STK32A: variants seen among roughly 807,000 people sequenced by gnomAD.
STK32A encodes serine/threonine-protein kinase 32A.
A neutral mutation model predicts 53.2 loss-of-function variants in STK32A; 41 were observed. The observed-to-expected ratio is 0.77, with a 90% CI of 0.60 to 1.00. The LOEUF is 1.00. STK32A is among the 50% of genes least tolerant of loss of function. STK32A has a pLI of 0.00. For missense variants in STK32A, 458 were observed against 485.8 expected, an observed-to-expected ratio of 0.94 and a Z score of 0.54; for synonymous variants, 166 against 162.8, an observed-to-expected ratio of 1.02 and a Z score of -0.15.
intron 1 of STK32A, among the ~76,000 whole-genome samples, chr5:147,237,434 C>A (rs1389630159): frequency 1.3e-5 from 2 of 152,156 alleles, no homozygotes; most frequent in Non-Finnish European, 2.9e-5. Context: ...CAAAGACCAC[C>A]CCATTTGCTT....
At position 147,384,529 on chromosome 5, in the gene STK32A, T is replaced by C. The variant is rs2152009621; in HGVS notation, c.*546T>C. ...TCAGATTAAAAGTAACAGAGATGGATGAGGGCCTTCCAGTGATATGCGTGA... is the reference window on the plus strand; with the variant it reads ...TCAGATTAAAAGTAACAGAGATGGACGAGGGCCTTCCAGTGATATGCGTGA... On this transcript the variant is annotated 3_prime_UTR_variant, in exon 13 of 13. Coordinates refer to ENST00000397936, the MANE Select transcript of STK32A (RefSeq NM_001112724.2). 1 of 1,098,800 alleles carries C rather than the reference T, an allele frequency of 9.1e-7. No individual in the cohort carries two copies. The highest frequency in any genetic ancestry group is 2.6e-5 in the East Asian group (1 of 38,404). The allele number at this position is 1,098,800 out of a possible 1,614,324, so 68.1% of individuals were successfully genotyped here. A position where few individuals can be genotyped will look rare whatever the true frequency, so the allele number is the denominator to read the frequency against.
chr5:147,246,337 G>A (rs77778097), intron 2 of STK32A, among the ~76,000 whole-genome samples: 8,848 of 152,194 alleles, frequency 0.058, 304 homozygotes, highest in Middle Eastern at 0.099. Context: ...CACAAACACT[G>A]AGCTAGTGGT....
At chr5:147,314,427 G>A (rs1363034342) in intron 4 of STK32A, among the ~76,000 whole-genome samples, 3 of 148,716 alleles carry the variant, frequency 2.0e-5, no homozygotes, top group Non-Finnish European at 4.4e-5. Flanking sequence ...GAACCTGGGA[G>A]GTAGAGGTTG....
At chr5:147,251,919 T>G (rs555426088) in intron 2 of STK32A, among the ~76,000 whole-genome samples, 96 of 152,328 alleles carry the variant, frequency 6.3e-4, no homozygotes, top group African/African-American at 2.2e-3. Context: ...CAATTCATTA[T>G]GAGCCAGGTG....
rs923126735 is a variant in STK32A at position 147,279,331 on chromosome 5, G to A, written c.193G>A (p.Val65Met). 6.2e-7 allele frequency: 1 copy of A among 1,613,444 alleles called. No individual in the cohort carries two copies. The highest frequency in any genetic ancestry group is 1.3e-5 in the African/African-American group (1 of 74,930). The stretch of plus-strand genomic sequence containing the variant: ...ACAAAAGTGCGTGGAGCGCAATGAA[G>A]TGAGAAATGTCTTCAAGGAACTCCA... ...NKQKCVERNEVRNVFKELQIM... is the reference protein window; with the variant it reads ...NKQKCVERNEMRNVFKELQIM... Residue 65 changes from valine (V) to methionine (M), a missense_variant, in exon 4 of 13, where the codon GTG (valine) becomes ATG (methionine). Physicochemically the swap from Val to Met is conservative, Grantham distance 21. Coordinates refer to ENST00000397936, the MANE Select transcript of STK32A (RefSeq NM_001112724.2).
At chr5:147,267,103 A>T (rs1295910703) in intron 2 of STK32A, among the ~76,000 whole-genome samples, 6 of 152,118 alleles carry the variant, frequency 3.9e-5, no homozygotes, top group Non-Finnish European at 7.4e-5. Flanking sequence ...AATAGCAATA[A>T]CATAAATAGC....
intron 4 of STK32A, among the ~76,000 whole-genome samples, chr5:147,290,644 G>T (rs1043820885): frequency 1.3e-5 from 2 of 152,190 alleles, no homozygotes; most frequent in Admixed American, 6.6e-5. Context: ...GGGTCCACAT[G>T]TGGTTTCAGG....
downstream of STK32A, among the ~76,000 whole-genome samples, chr5:147,388,139 C>A (rs1276294695): frequency 6.6e-6 from 1 of 152,186 alleles, no homozygotes; most frequent in Non-Finnish European, 1.5e-5. Context: ...TTCTGCCTTT[C>A]ACTATGTCCC....
Position 147,384,305 on chromosome 5 carries a change from C to T in STK32A, c.*322C>T, listed in dbSNP as rs908825542. The stretch of plus-strand genomic sequence containing the variant: ...TAGTGCTATAGTTGTTATTCTAAAC[C>T]GCCTTTATTTTTATTTTAAAATTAA... On this transcript the variant is annotated 3_prime_UTR_variant, in exon 13 of 13. Coordinates refer to ENST00000397936, the MANE Select transcript of STK32A (RefSeq NM_001112724.2). 2.9e-5 allele frequency: 40 copies of T among 1,395,728 alleles called. No individual in the cohort carries two copies. The highest frequency in any genetic ancestry group is 4.4e-4 in the Middle Eastern group (2 of 4,508). 86.5% of individuals were successfully genotyped at this position (1,395,728 alleles called of 1,614,324 possible).
chr5:147,290,381 A>G (rs903837331), intron 4 of STK32A, among the ~76,000 whole-genome samples: 1 of 152,260 alleles, frequency 6.6e-6, no homozygotes, highest in Middle Eastern at 3.4e-3. Context: ...AATGTAGGCC[A>G]TGTTATCAAG....
In STK32A at chr5:147,365,752, C is replaced by T. The variant is rs72833308; in HGVS notation, c.660+4138C>T. 3.4e-3 allele frequency among the ~76,000 whole-genome samples: 515 copies of T among 152,100 alleles called. 1 individual carries two copies. The highest frequency in any genetic ancestry group is 5.5e-3 in the Non-Finnish European group (377 of 67,990). On this transcript the variant is annotated intron_variant, in intron 8 of 12. Transcript: ENST00000397936. ...CCCTCATCTTTTATGACACACCTAG[C>T]AAAACAGAAGCAGAGGAGCGAGTTG... is the stretch of plus-strand genomic sequence containing the variant.
chr5:147,321,638 G>C (rs1754327617), intron 4 of STK32A, among the ~76,000 whole-genome samples: 1 of 152,098 alleles, frequency 6.6e-6, no homozygotes, highest in South Asian at 2.1e-4. Context: ...CTTAACCCAA[G>C]TCCCAGTAAA....
At chr5:147,400,977 G>T in the STK32A span, 1 of 1,114,702 alleles carries the variant, frequency 9.0e-7, no homozygotes, top group Non-Finnish European at 1.2e-6. Context: ...AGATATATGA[G>T]CTTGGATGAG....
At chr5:147,250,855 T>C (rs1580987699) in intron 2 of STK32A, among the ~76,000 whole-genome samples, 1 of 144,642 alleles carries the variant, frequency 6.9e-6, no homozygotes, top group Admixed American at 7.3e-5. Flanking sequence ...GGCAGGAGAA[T>C]GGCGTGAACC....
chr5:147,380,204 G>C, intron 11 of STK32A, among the ~76,000 whole-genome samples: 1 of 151,992 alleles, frequency 6.6e-6, no homozygotes, highest in East Asian at 1.9e-4. Flanking sequence ...AAAATCTTGG[G>C]GTAAAAGTGT....
intron 8 of STK32A, among the ~76,000 whole-genome samples, chr5:147,366,116 A>C (rs533582478): frequency 1.0e-3 from 156 of 152,164 alleles, no homozygotes; most frequent in African/African-American, 2.8e-3. Flanking sequence ...AACAAACTTC[A>C]GATGTCTTAG....
At chr5:147,266,910 C>G (rs1340811438) in intron 2 of STK32A, among the ~76,000 whole-genome samples, 1 of 151,948 alleles carries the variant, frequency 6.6e-6, no homozygotes, top group Non-Finnish European at 1.5e-5. Context: ...GTAATCCCAG[C>G]TACTCTGGAG....
chr5:147,351,290 G>C lies in STK32A; in HGVS notation c.562+136G>C, dbSNP rs1755965402. Reference sequence around the variant, plus strand: ...TTACCTGTGGAGCTTCTGATTTCATGGGTCTTCTCCACTAGCAAGCACCCA... The same window carrying C: ...TTACCTGTGGAGCTTCTGATTTCATCGGTCTTCTCCACTAGCAAGCACCCA... On this transcript the variant is annotated intron_variant, in intron 7 of 12. Transcript: ENST00000397936. The C allele has an allele frequency of 1.3e-5, 9 of 708,152 alleles. No homozygotes were observed. The South Asian group carries it at 1.5e-4, about 12-fold the overall frequency. The allele number at this position is 708,152 out of a possible 1,614,324, so 43.9% of individuals were successfully genotyped here.
rs561560834 is a variant in STK32A, at chr5:147,349,229, A to G, written c.473-1836A>G. On this transcript the variant is annotated intron_variant, in intron 6 of 12. Coordinates refer to ENST00000397936, the MANE Select transcript of STK32A (RefSeq NM_001112724.2). ...GCTACCTTTACTTTACTGAAATATCATGACATAAACAAAGCCAAAACACTT... is the reference window on the plus strand; with the variant it reads ...GCTACCTTTACTTTACTGAAATATCGTGACATAAACAAAGCCAAAACACTT... Among the ~76,000 whole-genome samples, 12 of 152,342 alleles carry G rather than the reference A, an allele frequency of 7.9e-5. No homozygotes were observed. In the South Asian group the frequency reaches 2.5e-3, roughly 32 times the overall value.
Sources: gnomAD v4.1 joint callset for allele counts (sites outside exome capture counted in the v4.1 genomes callset) on GRCh38, gnomAD v4.1.1 for gene constraint, MANE v1.5 for transcripts, NCBI Gene and HGNC (gene_info 2026-07-23, HGNC 2026-07-21) for gene names.